ART3: variants seen among roughly 807,000 people sequenced by gnomAD.
ART3 encodes the protein ADP-ribosyltransferase 3 (inactive).
In ART3, 49 loss-of-function variants were observed where a neutral mutation model predicts 48.5. That is an observed-to-expected ratio of 1.01 (90% confidence interval 0.80 to 1.28). ART3 has a LOEUF of 1.28. ART3 is among the 50% of genes most tolerant of loss of function. The pLI is 0.00. For missense variants in ART3, 438 were observed against 454.3 expected (o/e 0.96, Z 0.33); for synonymous variants, 145 against 157.2 (o/e 0.92, Z 0.58).
At chr4:76,031,254 G>A (rs867866857) in intron 1 of ART3, among the ~76,000 whole-genome samples, 1 of 151,924 alleles carries the variant, frequency 6.6e-6, no homozygotes, top group East Asian at 1.9e-4. Context: ...ATGTATTACC[G>A]ATTTTACATG....
chr4:76,048,007 A>C (rs1006617191), intron 1 of ART3, among the ~76,000 whole-genome samples: 2 of 151,912 alleles, frequency 1.3e-5, no homozygotes, highest in African/African-American at 2.4e-5. Flanking sequence ...CCCTCCCCCT[A>C]CAGCTTGAAG....
rs768284831 is a variant in ART3 at position 76,112,391 on chromosome 4, G to A, written c.1042G>A (p.Gly348Ser). Residue 348 changes from glycine to serine, a missense_variant, in exon 12 of 12, where the codon GGT becomes AGT. By Grantham distance (56) the Gly-to-Ser change is moderately conservative (BLOSUM62 0). Transcript: ENST00000355810. ...CTGTGTATTCTTGTTAACAGCTCCA[G>A]GTCCAGTTCCTGTTCCAGGTCCCAA... is the stretch of plus-strand genomic sequence containing the variant. ...SQGNINNPTP[G>S]PVPVPGPKSH... 38 of 1,613,258 alleles carry A rather than the reference G, an allele frequency of 2.4e-5. No individual in the cohort carries two copies. Among genetic ancestry groups the A allele is most frequent in the Non-Finnish European group, 3.0e-5 (35 of 1,179,774 alleles).
chr4:76,059,460 T>A (rs960490742), intron 1 of ART3, among the ~76,000 whole-genome samples: 7 of 151,992 alleles, frequency 4.6e-5, no homozygotes, highest in Non-Finnish European at 7.4e-5. Flanking sequence ...TTGAATTTTT[T>A]AAAAAATCTG....
intron 1 of ART3, among the ~76,000 whole-genome samples, chr4:76,015,671 T>C (rs80312266): frequency 0.014 from 2,070 of 152,336 alleles, 38 homozygotes; most frequent in African/African-American, 0.046. Context: ...CTCACTCTGT[T>C]GCCTAGGCTT....
chr4:76,105,119 G>A (rs1191348652), intron 10 of ART3, among the ~76,000 whole-genome samples: 2 of 152,090 alleles, frequency 1.3e-5, no homozygotes, highest in Non-Finnish European at 2.9e-5. Context: ...GATTTATTTG[G>A]CCACAACTTT....
chr4:76,057,167 G>A (rs1718773836), intron 1 of ART3, among the ~76,000 whole-genome samples: 1 of 152,126 alleles, frequency 6.6e-6, no homozygotes, highest in African/African-American at 2.4e-5. Flanking sequence ...ATATTGATAT[G>A]TGTTATTATT....
At chr4:76,094,924 A>C (rs1174171432) in intron 3 of ART3, among the ~76,000 whole-genome samples, 1 of 152,200 alleles carries the variant, frequency 6.6e-6, no homozygotes, top group Non-Finnish European at 1.5e-5. Context: ...TTTTTCTGGG[A>C]ATTTGTCCAT....
chr4:76,074,263 G>C (rs888213991), upstream of ART3, among the ~76,000 whole-genome samples: 6 of 152,110 alleles, frequency 3.9e-5, no homozygotes, highest in African/African-American at 1.2e-4. Context: ...GATTTTGAGT[G>C]CTTTTTAGTA....
chr4:76,039,333 A>C (rs547289307), intron 1 of ART3, among the ~76,000 whole-genome samples: 1 of 152,084 alleles, frequency 6.6e-6, no homozygotes, highest in Admixed American at 6.6e-5. Context: ...CCCCTTTTTC[A>C]TAGGGCTGTT....
chr4:76,034,401 C>A, intron 1 of ART3: 1 of 456,740 alleles, frequency 2.2e-6, no homozygotes, highest in East Asian at 3.5e-5. Context: ...ATAGTCACAA[C>A]AGAATAGTTG....
chr4:76,106,027 G>A, intron 10 of ART3: 1 of 985,336 alleles, frequency 1.0e-6, no homozygotes, highest in African/African-American at 1.7e-5. Flanking sequence ...AAAGCTATGT[G>A]TAGCTTTTTA....
chr4:76,075,939 T>C lies in ART3; in HGVS notation c.50T>C (p.Ile17Thr). ...EIVTMLLATM[I>T]LVDIFQVKAE... ...GTCACCATGCTGCTGGCAACCATGA[T>C]TCTAGTGGACATTTTCCAGGTAATG... The change falls in exon 2 of 12, where the codon ATT (isoleucine) becomes ACT (threonine). Residue 17 changes from isoleucine to threonine, a missense_variant. This residue lies in a region of ART3 where 206 missense variants were observed against 205.3 expected (regional missense o/e 1.00). Coordinates refer to ENST00000355810, the MANE Select transcript of ART3 (RefSeq NM_001130016.3). The C allele has an allele frequency of 6.2e-7, 1 of 1,613,328 alleles. No homozygotes were observed. The highest frequency in any genetic ancestry group is 8.5e-7 in the Non-Finnish European group (1 of 1,179,612).
At chr4:76,036,775 C>T in intron 1 of ART3, 1 of 251,474 alleles carries the variant, frequency 4.0e-6, no homozygotes, top group South Asian at 5.8e-5. Flanking sequence ...AGCTGCTTTC[C>T]TCATGGCAGC....
At chr4:76,013,771 G>A (rs1460367359) in intron 1 of ART3, among the ~76,000 whole-genome samples, 1 of 152,178 alleles carries the variant, frequency 6.6e-6, no homozygotes, top group Non-Finnish European at 1.5e-5. Context: ...GTATGTAGAT[G>A]TATCTGTTTC....
chr4:76,034,001 C>T (rs1734106756), intron 1 of ART3: 1 of 154,348 alleles, frequency 6.5e-6, no homozygotes. Flanking sequence ...TGCTTCAAAA[C>T]ATCTCAATGA....
intron 3 of ART3, among the ~76,000 whole-genome samples, chr4:76,089,985 C>G (rs1724509237): frequency 6.6e-6 from 1 of 152,134 alleles, no homozygotes; most frequent in Admixed American, 6.5e-5. Context: ...GAGGCTGAGG[C>G]AGGAGAATCA....
intron 1 of ART3, among the ~76,000 whole-genome samples, chr4:76,013,970 C>A (rs1453602536): frequency 6.6e-6 from 1 of 152,128 alleles, no homozygotes; most frequent in African/African-American, 2.4e-5. Flanking sequence ...AAATATCTAT[C>A]AATTCTTTAC....
intron 1 of ART3, among the ~76,000 whole-genome samples, chr4:76,030,531 T>A (rs6850760): frequency 0.61 from 93,044 of 152,122 alleles, 29,536 homozygotes; most frequent in East Asian, 0.94. Context: ...AGAGTACAAT[T>A]CAGTGGAGTT....
intron 1 of ART3, among the ~76,000 whole-genome samples, chr4:76,042,505 T>C (rs889795480): frequency 1.8e-4 from 28 of 152,124 alleles, no homozygotes; most frequent in African/African-American, 6.8e-4. Flanking sequence ...CTGAACAGAT[T>C]AATGTAGAAT....
Sources: allele counts gnomAD v4.1 joint callset (sites outside exome capture counted in the v4.1 genomes callset), GRCh38; gene constraint gnomAD v4.1.1; regional missense constraint gnomAD v4.1.1; transcripts MANE v1.5; gene names NCBI Gene and HGNC (gene_info 2026-07-23, HGNC 2026-07-21).